Variants in CPA1 observed in about 807,000 individuals in gnomAD.
The protein encoded by CPA1 is carboxypeptidase A1 (pancreatic).
CPA1 carries 42 observed loss-of-function variants against 48.7 expected under a neutral mutation model. The ratio of observed to expected loss-of-function variants is 0.86; its 90% confidence interval spans 0.67 to 1.11. The LOEUF (loss-of-function observed/expected upper bound fraction) is 1.11. Ranked by LOEUF, CPA1 falls within the 50% of genes most tolerant of loss-of-function variation. CPA1 has a pLI of 0.00. For missense variants in CPA1, 477 were observed against 544.7 expected (o/e 0.88, Z 1.24); for synonymous variants, 203 against 217.9 (o/e 0.93, Z 0.60).
chr7:130,382,395 C>G (rs1796418322), intron 4 of CPA1, among the ~76,000 whole-genome samples, 186 bp downstream of exon 4: 1 of 152,156 alleles, frequency 6.6e-6, no homozygotes, highest in Admixed American at 6.5e-5. Flanking sequence ...TGCCCATACA[C>G]AAAGACAGGT....
chr7:130,385,271 ATCCACAGCTAC>A lies in CPA1; in HGVS notation c.917_927del (p.His306ProfsTer16). On this transcript the variant is annotated frameshift_variant, in exon 8 of 10. Coordinates refer to ENST00000011292, the MANE Select transcript of CPA1 (RefSeq NM_001868.4). LOFTEE classifies it high-confidence loss of function. The stretch of plus-strand genomic sequence containing the variant: ...TGGGAACATCAAGGCCTTCATCTCC[ATCCACAGCTAC>A]TCCCAGCTCCTCATGTATCCCTATG... 1 of 1,614,184 alleles carries A rather than the reference ATCCACAGCTAC, an allele frequency of 6.2e-7. No homozygotes were observed. The highest frequency in any genetic ancestry group is 1.1e-5 in the South Asian group (1 of 91,078).
At chr7:130,380,640 C>A in intron 1 of CPA1, 55 bp downstream of exon 1, 1 of 1,006,848 alleles carries the variant, frequency 9.9e-7, no homozygotes. Flanking sequence ...AGGACTCAGC[C>A]CCCAACCAGT....
intron 6 of CPA1, 161 bp from the exon 7 acceptor site, chr7:130,384,375 G>C: frequency 3.2e-6 from 2 of 622,976 alleles, no homozygotes; most frequent in Non-Finnish European, 2.8e-6. Context: ...TGTGCCTGCA[G>C]CTCAGCTTCC....
At chr7:130,385,061 A>AC (rs1796454835) in intron 7 of CPA1, 85 bp from the exon 8 acceptor site, 2 of 1,375,502 alleles carry the variant, frequency 1.5e-6, no homozygotes, top group Non-Finnish European at 2.1e-6. Context: ...ATACCACCTC[A>AC]CCCCCAACTC....
chr7:130,384,281 G>T, intron 6 of CPA1: 1 of 556,400 alleles, frequency 1.8e-6, no homozygotes, highest in South Asian at 2.2e-5. Flanking sequence ...CCATCCTATG[G>T]CCTTCCCCAC....
intron 1 of CPA1, 155 bp from the exon 2 acceptor site, chr7:130,380,943 C>T: frequency 1.5e-6 from 1 of 662,126 alleles, no homozygotes; most frequent in Non-Finnish European, 2.8e-6. Flanking sequence ...CAGGCCTCTC[C>T]TTGTTGAGAC....
At position 130,381,651 on chromosome 7, in the gene CPA1, G is replaced by A. The variant is rs1796405878; in HGVS notation, c.169G>A (p.Ala57Thr). 6.2e-7 allele frequency: 1 copy of A among 1,613,716 alleles called. No homozygotes were observed. Among genetic ancestry groups the A allele is most frequent in the South Asian group, 1.1e-5 (1 of 91,064 alleles). Residue 57 changes from alanine to threonine, a missense_variant, in exon 3 of 10, where the codon GCC becomes ACC. Physicochemically the swap from Ala to Thr is moderately conservative, Grantham distance 58. Coordinates refer to ENST00000011292, the MANE Select transcript of CPA1 (RefSeq NM_001868.4). Reference protein sequence around the residue: ...HLQLDFWRGPAHPGSPIDVRV... With the variant: ...HLQLDFWRGPTHPGSPIDVRV... ...CCAGCTGGACTTCTGGCGGGGGCCT[G>A]CCCACCCTGGCTCCCCCATCGACGT...
At position 130,384,542 on chromosome 7, in the gene CPA1, A is replaced by G. The variant is rs1796447870; in HGVS notation, c.703A>G (p.Met235Val). The change falls in exon 7 of 10, where the codon ATG becomes GTG. Residue 235 changes from methionine to valine, a missense_variant. Coordinates refer to ENST00000011292, the MANE Select transcript of CPA1 (RefSeq NM_001868.4). ...GFAFTHSTNR[M>V]WRKTRSHTAG... Reference sequence around the variant, plus strand: ...ATCCCATTTCCTTCCTCAGAATCGCATGTGGCGCAAGACTCGGTCCCACAC... The same window carrying G: ...ATCCCATTTCCTTCCTCAGAATCGCGTGTGGCGCAAGACTCGGTCCCACAC... 1 of 1,614,104 alleles carries G rather than the reference A, an allele frequency of 6.2e-7. No individual in the cohort carries two copies. The highest frequency in any genetic ancestry group is 8.5e-7 in the Non-Finnish European group (1 of 1,179,980).
chr7:130,381,880 C>T lies in CPA1; in HGVS notation c.381+17C>T. On this transcript the variant is annotated intron_variant, in intron 3 of 9. Coordinates refer to ENST00000011292, the MANE Select transcript of CPA1 (RefSeq NM_001868.4). ...CTGGAGGAGGTGAGGGCGCCCCTAGCGGCCGCTCCCTGCAGCCACCAGCTC... is the reference window on the plus strand; with the variant it reads ...CTGGAGGAGGTGAGGGCGCCCCTAGTGGCCGCTCCCTGCAGCCACCAGCTC... The T allele has an allele frequency of 1.2e-6, 2 of 1,604,108 alleles. No individual in the cohort carries two copies. Among genetic ancestry groups the T allele is most frequent in the South Asian group, 2.2e-5 (2 of 90,734 alleles).
chr7:130,384,296 T>C, intron 6 of CPA1: 1 of 571,116 alleles, frequency 1.8e-6, no homozygotes, highest in Non-Finnish European at 3.1e-6. Flanking sequence ...CCCCACTCTC[T>C]TTCACCCGAT....
rs553278687 is a variant in CPA1, at chr7:130,383,027, C to T, written c.484-364C>T. On this transcript the variant is annotated intron_variant, in intron 4 of 9. Transcript: ENST00000011292. The stretch of plus-strand genomic sequence containing the variant: ...AACTCCTGGGCTCAAGTGATCTACC[C>T]GCCTCAGCCTCCCAAAGTGCTGGGA... 1.6e-4 allele frequency among the ~76,000 whole-genome samples: 24 copies of T among 150,816 alleles called. No individual in the cohort carries two copies. In the East Asian group the frequency reaches 1.8e-3, roughly 11 times the overall value.
At position 130,387,767 on chromosome 7, in the gene CPA1, C is replaced by T; in HGVS notation, c.1073-57C>T. ...ACAGGGTTGGATCGTTAACCCAACC[C>T]GTGTAAATATTCCCAAAGTGATTGA... On this transcript the variant is annotated intron_variant, in intron 9 of 9. Coordinates refer to ENST00000011292, the MANE Select transcript of CPA1 (RefSeq NM_001868.4). The surrounding 1 kb of genome is among the most constrained non-coding windows in gnomAD (Gnocchi z 4.6). The T allele has an allele frequency of 1.5e-5, 22 of 1,515,566 alleles. No homozygotes were observed. The highest frequency in any genetic ancestry group is 1.6e-5 in the Non-Finnish European group (18 of 1,098,082). 93.9% of individuals were successfully genotyped at this position (1,515,566 alleles called of 1,614,324 possible). A position where few individuals can be genotyped will look rare whatever the true frequency, so the allele number is the denominator to read the frequency against.
Position 130,387,529 on chromosome 7 carries a change from T to G in CPA1, c.1073-295T>G, listed in dbSNP as rs149743283. ...TATTTAGGGGCTTCACCGAAAGGGC[T>G]GTTGGACAGAGGCTGTTTTCAGAGG... On this transcript the variant is annotated intron_variant, in intron 9 of 9. Transcript: ENST00000011292. This position sits in a 1 kb window ranked among gnomAD's most constrained non-coding sequence, Gnocchi z 4.6. 2.4e-4 allele frequency among the ~76,000 whole-genome samples: 37 copies of G among 152,334 alleles called. No individual in the cohort carries two copies. Among genetic ancestry groups the G allele is most frequent in the African/African-American group, 8.2e-4 (34 of 41,586 alleles).
In CPA1 at chr7:130,382,224, TG is replaced by T; in HGVS notation, c.483+17del. 6.2e-7 allele frequency: 1 copy of T among 1,601,498 alleles called. No homozygotes were observed. Among genetic ancestry groups the T allele is most frequent in the Non-Finnish European group, 8.6e-7 (1 of 1,168,568 alleles). ...ACGTGCTGAAGGTAACATCCACATG[TG>T]GACATACACAGGGGAGAATGGACCC... On this transcript the variant is annotated intron_variant, in intron 4 of 9. Coordinates refer to ENST00000011292, the MANE Select transcript of CPA1 (RefSeq NM_001868.4).
intron 1 of CPA1, 193 bp downstream of exon 1, chr7:130,380,778 C>T: frequency 1.8e-6 from 1 of 541,838 alleles, no homozygotes; most frequent in South Asian, 2.8e-5. Context: ...GTCTCCTGAG[C>T]CCTGGAGAAA....
rs1359697100 is a variant in CPA1, at chr7:130,381,235, C to T, written c.147+56C>T. The T allele has an allele frequency of 5.4e-6, 7 of 1,297,672 alleles. No homozygotes were observed. The African/African-American group carries it at 1.0e-4, about 19-fold the overall frequency. 80.4% of individuals were successfully genotyped at this position (1,297,672 alleles called of 1,614,324 possible). ...CCCCAGGGTATCAGCTGGGGCCACCCCAGGTCCCCAGCGGCCAACTGTGCC... is the reference window on the plus strand; with the variant it reads ...CCCCAGGGTATCAGCTGGGGCCACCTCAGGTCCCCAGCGGCCAACTGTGCC... On this transcript the variant is annotated intron_variant, in intron 2 of 9. Transcript: ENST00000011292.
At chr7:130,386,963 G>A (rs1284273188) in intron 9 of CPA1, among the ~76,000 whole-genome samples, 1 of 152,232 alleles carries the variant, frequency 6.6e-6, no homozygotes, top group Non-Finnish European at 1.5e-5. Context: ...TGGAGGAGGT[G>A]GCAGCCAGGA....
intron 7 of CPA1, 95 bp from the exon 8 acceptor site, chr7:130,385,051 A>G: frequency 7.8e-7 from 1 of 1,277,904 alleles, no homozygotes; most frequent in Non-Finnish European, 1.1e-6. Context: ...GAGCCCTTCC[A>G]TACCACCTCA....
Position 130,381,172 on chromosome 7 carries a change from AC to A in CPA1, c.142del (p.Leu48CysfsTer42). 1 of 1,611,976 alleles carries A rather than the reference AC, an allele frequency of 6.2e-7. No homozygotes were observed. Among genetic ancestry groups the A allele is most frequent in the Non-Finnish European group, 8.5e-7 (1 of 1,178,734 alleles). ...QKVKELEDLE[H>X]LQLDFWRGPA... is the part of the protein sequence containing the mutation. ...GTGAAGGAGCTGGAGGACCTGGAGC[AC>A]CTGCAGGTCAGAAGAGGGGAGAAGG... On this transcript the variant is annotated frameshift_variant, in exon 2 of 10. Transcript: ENST00000011292. LOFTEE classifies it high-confidence loss of function.
Sources: gnomAD v4.1 joint callset for allele counts (sites outside exome capture counted in the v4.1 genomes callset) on GRCh38, gnomAD v4.1.1 for gene constraint, Gnocchi (gnomAD v3.1) non-coding constraint, MANE v1.5 for transcripts, NCBI Gene and HGNC (gene_info 2026-07-23, HGNC 2026-07-21) for gene names.